The following CEMIP variants were observed in gnomAD, a reference collection of about 807,000 sequenced individuals.
CEMIP encodes cell migration inducing hyaluronidase 1.
CEMIP carries 105 observed loss-of-function variants against 156.9 expected under a neutral mutation model. The ratio of observed to expected loss-of-function variants is 0.67; its 90% confidence interval spans 0.57 to 0.79. The LOEUF (loss-of-function observed/expected upper bound fraction) is 0.79, where lower values mean the gene tolerates loss of function less well. Ranked by LOEUF, CEMIP falls within the 30% of genes least tolerant of loss-of-function variation. The pLI, the probability that CEMIP is intolerant of heterozygous loss-of-function variation, is 0.00. For missense variants in CEMIP, 1,457 were observed against 1,769.4 expected (o/e 0.82, Z 3.17); for synonymous variants, 676 against 668.4 (o/e 1.01, Z -0.17).
rs747996893 is a variant in CEMIP, at chr15:80,942,311, C to T, written c.3673C>T (p.Leu1225Phe). ...MESSKQHFFH[L>F]WNDFAYIEVD... ...GAGTTCCAAGCAGCACTTCTTCCAC[C>T]TCTGGAACGACTTCGCTTACATTGA... Residue 1225 changes from leucine to phenylalanine, a missense_variant, in exon 27 of 30, where the codon CTC becomes TTC. Around this residue, in one of 5 missense-constraint regions of CEMIP, gnomAD observed 798 missense variants for 980.1 expected, o/e 0.81. Transcript: ENST00000394685. The T allele has an allele frequency of 8.1e-6, 13 of 1,614,118 alleles. No individual in the cohort carries two copies. In the South Asian group the frequency reaches 1.4e-4, roughly 18 times the overall value.
chr15:80,924,130 C>T (rs1900571201), intron 17 of CEMIP, among the ~76,000 whole-genome samples: 1 of 152,184 alleles, frequency 6.6e-6, no homozygotes, highest in Admixed American at 6.5e-5. Context: ...TAGAGTCAAA[C>T]AAGAAAGCCA....
At position 80,884,210 on chromosome 15, in the gene CEMIP, G is replaced by T; in HGVS notation, c.653G>T (p.Arg218Leu). The T allele has an allele frequency of 6.2e-7, 1 of 1,614,194 alleles. No individual in the cohort carries two copies. The change falls in exon 7 of 30, where the codon CGT becomes CTT. Residue 218 changes from arginine to leucine, a missense_variant. Physicochemically the swap from Arg to Leu is moderately radical, Grantham distance 102. Around this residue, in one of 5 missense-constraint regions of CEMIP, gnomAD observed 309 missense variants for 340.8 expected, o/e 0.91. Coordinates refer to ENST00000394685, the MANE Select transcript of CEMIP (RefSeq NM_001293298.2). ...TATAGATCCAAGAAAGAGAGTGAAC[G>T]TCTGGTCCAGTATTTGAACGCGGTG... ...DTYRSKKESE[R>L]LVQYLNAVPD...
At chr15:80,843,544 C>T (rs1897477741) in intron 1 of CEMIP, among the ~76,000 whole-genome samples, 1 of 152,230 alleles carries the variant, frequency 6.6e-6, no homozygotes, top group African/African-American at 2.4e-5. Flanking sequence ...GGGACAGGTG[C>T]TTCCTTCACC....
chr15:80,947,128 G>A (rs759853815), intron 29 of CEMIP, 63 bp downstream of exon 29: 40 of 1,053,136 alleles, frequency 3.8e-5, no homozygotes, highest in Non-Finnish European at 5.7e-5. Flanking sequence ...GCCTGGCATG[G>A]AGGGTGCTGT....
At chr15:80,829,990 G>GTGTGTGTGTT (rs1555428892) in intron 1 of CEMIP, among the ~76,000 whole-genome samples, 1,855 of 149,274 alleles carry the variant, frequency 0.012, 51 homozygotes, top group African/African-American at 0.043. Flanking sequence ...GTGTGTGTGT[G>GTGTGTGTGTT]TGTGTGTGTG....
intron 1 of CEMIP, among the ~76,000 whole-genome samples, chr15:80,789,762 A>G (rs960100755): frequency 6.6e-6 from 1 of 152,246 alleles, no homozygotes; most frequent in Admixed American, 6.5e-5. Flanking sequence ...ATGGTGACAC[A>G]TTAACATATC....
chr15:80,785,656 C>T (rs984887448), intron 1 of CEMIP, among the ~76,000 whole-genome samples: 9 of 152,046 alleles, frequency 5.9e-5, no homozygotes, highest in Non-Finnish European at 1.3e-4. Context: ...GGGCGTGAGA[C>T]CTGCTGGAGA....
intron 1 of CEMIP, among the ~76,000 whole-genome samples, chr15:80,800,819 CCTT>C (rs1474362959): frequency 2.0e-5 from 3 of 152,120 alleles, no homozygotes; most frequent in African/African-American, 7.2e-5. Context: ...TGAGTTTACA[CCTT>C]CTAATAACTT....
intron 12 of CEMIP, among the ~76,000 whole-genome samples, chr15:80,900,638 G>GTGTGTGTGTGTGTGTGTGTCTGTGTGTC (rs1567090910): frequency 9.8e-6 from 1 of 101,922 alleles, no homozygotes; most frequent in Non-Finnish European, 2.1e-5. Context: ...GTGTGTGTGT[G>GTGTGTGTGTGTGTGTGTGTCTGTGTGTC]TGTGTGTGTG....
At chr15:80,947,162 T>G (rs550041715) in intron 29 of CEMIP, 97 bp downstream of exon 29, 1 of 772,386 alleles carries the variant, frequency 1.3e-6, no homozygotes, top group East Asian at 2.7e-5. Flanking sequence ...GTTGAGAACA[T>G]GCTTTGTACT....
At chr15:80,898,547 G>C (rs1899326977) in intron 12 of CEMIP, among the ~76,000 whole-genome samples, 1 of 152,196 alleles carries the variant, frequency 6.6e-6, no homozygotes, top group South Asian at 2.1e-4. Context: ...GTTGTAGTGA[G>C]AGGGAAACAA....
intron 1 of CEMIP, among the ~76,000 whole-genome samples, chr15:80,822,951 G>T (rs945917026): frequency 2.0e-5 from 3 of 152,200 alleles, no homozygotes; most frequent in African/African-American, 7.2e-5. Flanking sequence ...AGAACATGGG[G>T]CTGGGAGTCC....
At chr15:80,933,516 T>C (rs1292353088) in intron 23 of CEMIP, 56 bp downstream of exon 23, 1 of 1,350,316 alleles carries the variant, frequency 7.4e-7, no homozygotes, top group African/African-American at 1.4e-5. Flanking sequence ...GCAACAAGCA[T>C]TCAGTGAGTG....
chr15:80,817,465 G>A (rs920516877), intron 1 of CEMIP, among the ~76,000 whole-genome samples: 32 of 151,982 alleles, frequency 2.1e-4, no homozygotes, highest in Non-Finnish European at 1.5e-4. Flanking sequence ...GCCAGCCATG[G>A]TGGTGTGTGC....
chr15:80,907,233 T>C (rs1899846649), intron 13 of CEMIP, among the ~76,000 whole-genome samples: 1 of 152,208 alleles, frequency 6.6e-6, no homozygotes, highest in Non-Finnish European at 1.5e-5. Context: ...TCCATTACCA[T>C]ATAGATAAAA....
At chr15:80,780,647 G>C (rs1895766222) in intron 1 of CEMIP, among the ~76,000 whole-genome samples, 1 of 152,236 alleles carries the variant, frequency 6.6e-6, no homozygotes, top group African/African-American at 2.4e-5. Context: ...GTGTGAGCCA[G>C]TGCCTGGCTG....
At chr15:80,930,643 C>T (rs1021569681) in intron 21 of CEMIP, among the ~76,000 whole-genome samples, 2 of 152,120 alleles carry the variant, frequency 1.3e-5, no homozygotes, top group Non-Finnish European at 2.9e-5. Flanking sequence ...CAATTATAAA[C>T]GTAAAAATAT....
In CEMIP at chr15:80,950,258, G is replaced by A. The variant is rs1901760432; in HGVS notation, c.*1334G>A. ...TGGGGAAAGTGAGCCCCCAAGATGGGAAAGAACCACACAGCTAAGGGAGGG... is the reference window on the plus strand; with the variant it reads ...TGGGGAAAGTGAGCCCCCAAGATGGAAAAGAACCACACAGCTAAGGGAGGG... On this transcript the variant is annotated 3_prime_UTR_variant, in exon 30 of 30. Coordinates refer to ENST00000394685, the MANE Select transcript of CEMIP (RefSeq NM_001293298.2). 6.6e-6 allele frequency: 1 copy of A among 152,304 alleles called. No homozygotes were observed. The highest frequency in any genetic ancestry group is 1.5e-5 in the Non-Finnish European group (1 of 68,102). The allele number at this position is 152,304 out of a possible 1,614,324, so 9.4% of individuals were successfully genotyped here.
At chr15:80,901,898 C>T (rs1424277906) in intron 12 of CEMIP, among the ~76,000 whole-genome samples, 3 of 152,170 alleles carry the variant, frequency 2.0e-5, no homozygotes, top group African/African-American at 7.2e-5. Context: ...CAGCTTCATT[C>T]TCCCTCAGTG....
Sources: allele counts gnomAD v4.1 joint callset (sites outside exome capture counted in the v4.1 genomes callset), GRCh38; gene constraint gnomAD v4.1.1; regional missense constraint gnomAD v4.1.1; transcripts MANE v1.5; gene names NCBI Gene and HGNC (gene_info 2026-07-23, HGNC 2026-07-21).